PITPNA: variants seen among roughly 807,000 people sequenced by gnomAD.
The protein encoded by PITPNA is phosphatidylinositol transfer protein alpha isoform.
PITPNA carries 13 observed loss-of-function variants against 50.3 expected under a neutral mutation model. That is an observed-to-expected ratio of 0.26 (90% CI 0.17 to 0.41). PITPNA has a LOEUF of 0.41. Among genes scored for constraint, PITPNA ranks in the 10% least tolerant of loss-of-function variants. The pLI is 1.00. For synonymous variants in PITPNA, 120 were observed against 119.6 expected (o/e 1.00, Z -0.02); for missense variants, 207 against 333.4 (o/e 0.62, Z 2.95).
At chr17:1,547,089 G>A (rs562497758) in intron 4 of PITPNA, among the ~76,000 whole-genome samples, 1 of 152,108 alleles carries the variant, frequency 6.6e-6, no homozygotes, top group South Asian at 2.1e-4. Flanking sequence ...GCCAGGCACA[G>A]TGGCTCATGC....
At chr17:1,533,018 TGCAGCATGG>T (rs780737924) in intron 10 of PITPNA, among the ~76,000 whole-genome samples, 1 of 152,200 alleles carries the variant, frequency 6.6e-6, no homozygotes, top group African/African-American at 2.4e-5. Flanking sequence ...ACACCGTCCG[TGCAGCATGG>T]GCAGCATGGG....
intron 4 of PITPNA, among the ~76,000 whole-genome samples, chr17:1,543,944 A>C (rs2075660522): frequency 6.6e-6 from 1 of 152,248 alleles, no homozygotes; most frequent in Admixed American, 6.5e-5. Context: ...TCATGGGTAT[A>C]GTATCTCGTC....
chr17:1,530,291 T>A (rs2075573490), intron 10 of PITPNA, among the ~76,000 whole-genome samples: 1 of 152,144 alleles, frequency 6.6e-6, no homozygotes, highest in Admixed American at 6.5e-5. Context: ...CCTCCTTCCA[T>A]TTTTCAGATT....
intron 7 of PITPNA, among the ~76,000 whole-genome samples, chr17:1,536,624 C>G (rs1283373047): frequency 1.3e-5 from 2 of 151,764 alleles, no homozygotes; most frequent in Non-Finnish European, 2.9e-5. Flanking sequence ...GACAGCATCT[C>G]ACTCTGTTGG....
chr17:1,552,404 C>T (rs140271137), intron 3 of PITPNA, among the ~76,000 whole-genome samples: 10 of 152,114 alleles, frequency 6.6e-5, no homozygotes, highest in Non-Finnish European at 1.0e-4. Context: ...TTACTGTTTT[C>T]GTTAGGGATT....
intron 9 of PITPNA, 111 bp from the exon 10 acceptor site, chr17:1,534,332 CAGG>C (rs1335053281): frequency 4.4e-6 from 6 of 1,353,044 alleles, no homozygotes; most frequent in African/African-American, 2.9e-5. Context: ...GACGGGCGGA[CAGG>C]AGGAGGAGTA....
At chr17:1,542,237 T>C (rs896488955) in intron 5 of PITPNA, among the ~76,000 whole-genome samples, 2 of 149,118 alleles carry the variant, frequency 1.3e-5, no homozygotes, top group African/African-American at 4.9e-5. Flanking sequence ...CACGACAGAG[T>C]TGGGTCTCAA....
At position 1,522,351 on chromosome 17, in the gene PITPNA, G is replaced by A. The variant is rs1009796615; in HGVS notation, c.769-706C>T. Among the ~76,000 whole-genome samples, 7 of 151,880 alleles carry A rather than the reference G, an allele frequency of 4.6e-5. No individual in the cohort carries two copies. In the East Asian group the frequency reaches 9.7e-4, roughly 21 times the overall value. On this transcript the variant is annotated intron_variant, in intron 10 of 11. Transcript: ENST00000313486. ...CTCCCAAAGTGCTGGGATTACAGGC[G>A]TGAGCCACCGCGCCTGGCCGAAACA...
In PITPNA at chr17:1,544,258, A is replaced by C. The variant is rs182868212; in HGVS notation, c.290-1231T>G. Among the ~76,000 whole-genome samples, 320 of 152,360 alleles carry C rather than the reference A, an allele frequency of 2.1e-3. 4 individuals carry two copies. Among genetic ancestry groups the C allele is most frequent in the Admixed American group, 2.4e-3 (36 of 15,304 alleles). ...TATAATTTGGTTTCTCATGTAGAAGAATCCACAAGAAAAGAATGCCCTGAT... is the reference window on the plus strand; with the variant it reads ...TATAATTTGGTTTCTCATGTAGAAGCATCCACAAGAAAAGAATGCCCTGAT... On this transcript the variant is annotated intron_variant, in intron 4 of 11. Coordinates refer to ENST00000313486, the MANE Select transcript of PITPNA (RefSeq NM_006224.4).
chr17:1,559,001 T>TA (rs2075754838), intron 1 of PITPNA, among the ~76,000 whole-genome samples: 1 of 152,026 alleles, frequency 6.6e-6, no homozygotes, highest in South Asian at 2.1e-4. Flanking sequence ...GTGAGTCTAG[T>TA]AAGACAGGTT....
chr17:1,532,247 C>A (rs962080736), intron 10 of PITPNA, among the ~76,000 whole-genome samples: 5 of 152,066 alleles, frequency 3.3e-5, no homozygotes, highest in African/African-American at 1.2e-4. Flanking sequence ...GCCACCACGC[C>A]TGGCTAATTT....
At chr17:1,553,912 A>G (rs1394721032) in intron 2 of PITPNA, among the ~76,000 whole-genome samples, 1 of 152,204 alleles carries the variant, frequency 6.6e-6, no homozygotes, top group Non-Finnish European at 1.5e-5. Context: ...CCTGCTTCCC[A>G]CATGAGATAT....
At chr17:1,531,399 G>A (rs972106396) in intron 10 of PITPNA, among the ~76,000 whole-genome samples, 2 of 152,076 alleles carry the variant, frequency 1.3e-5, no homozygotes, top group African/African-American at 4.8e-5. Context: ...GAGTACAAGC[G>A]GGCGCCTGTA....
In PITPNA at chr17:1,534,428, G is replaced by T. The variant is rs974051498; in HGVS notation, c.646-207C>A. Among the ~76,000 whole-genome samples the T allele has an allele frequency of 2.0e-5, 3 of 152,028 alleles. No homozygotes were observed. The East Asian group carries it at 5.8e-4, about 29-fold the overall frequency. ...TAACAGGTATGGCTTCACATAGGAG[G>T]GAGCCCCCAAGAAAGAAGGATGCCT... On this transcript the variant is annotated intron_variant, in intron 9 of 11. Transcript: ENST00000313486.
In PITPNA at chr17:1,562,214, G is replaced by C. The variant is rs1486370537; in HGVS notation, c.20+327C>G. Among the ~76,000 whole-genome samples the C allele has an allele frequency of 6.6e-6, 1 of 151,998 alleles. No individual in the cohort carries two copies. The highest frequency in any genetic ancestry group is 6.5e-5 in the Admixed American group (1 of 15,268). On this transcript the variant is annotated intron_variant, in intron 1 of 11. Coordinates refer to ENST00000313486, the MANE Select transcript of PITPNA (RefSeq NM_006224.4). This position sits in a 1 kb window ranked among gnomAD's most constrained non-coding sequence, Gnocchi z 6.4. Reference sequence around the variant, plus strand: ...GGCGCCTGAGGAGCCGTCCGCCCGGGTTGTCCCTCCGTGCCCGTGGGCCCC... The same window carrying C: ...GGCGCCTGAGGAGCCGTCCGCCCGGCTTGTCCCTCCGTGCCCGTGGGCCCC...
Position 1,519,067 on chromosome 17 carries a change from C to G in PITPNA, c.*1494G>C, listed in dbSNP as rs545382277. 1 of 152,558 alleles carries G rather than the reference C, an allele frequency of 6.6e-6. No individual in the cohort carries two copies. Among genetic ancestry groups the G allele is most frequent in the South Asian group, 2.1e-4 (1 of 4,830 alleles). 9.5% of individuals were successfully genotyped at this position (152,558 alleles called of 1,614,324 possible). ...AGGAGGGCCACAGGGAAGCATCCAT[C>G]AGGATGTCACAGGTGCAATCCTGTG... On this transcript the variant is annotated 3_prime_UTR_variant, in exon 12 of 12. Coordinates refer to ENST00000313486, the MANE Select transcript of PITPNA (RefSeq NM_006224.4).
At chr17:1,533,381 C>A (rs145661263) in intron 10 of PITPNA, among the ~76,000 whole-genome samples, 1 of 152,320 alleles carries the variant, frequency 6.6e-6, no homozygotes, top group South Asian at 2.1e-4. Context: ...TCCACTTCCT[C>A]ATCTGAGGGT....
chr17:1,520,248 G>A lies in PITPNA; in HGVS notation c.*313C>T, dbSNP rs2075501532. 1 of 152,470 alleles carries A rather than the reference G, an allele frequency of 6.6e-6. No individual in the cohort carries two copies. Among genetic ancestry groups the A allele is most frequent in the Non-Finnish European group, 1.5e-5 (1 of 68,046 alleles). 9.4% of individuals were successfully genotyped at this position (152,470 alleles called of 1,614,324 possible). ...ACTGAAAATGTCACTTGGAAATAAA[G>A]GTTGGGGGAACACACAGAAATGGAT... On this transcript the variant is annotated 3_prime_UTR_variant, in exon 12 of 12. Transcript: ENST00000313486.
Position 1,553,713 on chromosome 17 carries a change from C to T in PITPNA, c.52-564G>A, listed in dbSNP as rs577387388. On this transcript the variant is annotated intron_variant, in intron 2 of 11. Transcript: ENST00000313486. ...CTGGATCTCACCCATTTAAATAGAT[C>T]CTAAGACTTGATTTCTTGTCAAAGA... Among the ~76,000 whole-genome samples the T allele has an allele frequency of 2.6e-5, 4 of 152,304 alleles. No homozygotes were observed. The South Asian group carries it at 8.3e-4, about 32-fold the overall frequency.
Sources: allele counts gnomAD v4.1 joint callset (sites outside exome capture counted in the v4.1 genomes callset), GRCh38; gene constraint gnomAD v4.1.1; non-coding constraint Gnocchi (gnomAD v3.1); transcripts MANE v1.5; gene names NCBI Gene and HGNC (gene_info 2026-07-23, HGNC 2026-07-21).